NCAM2: variants seen among roughly 807,000 people sequenced by gnomAD.
NCAM2 encodes the protein neural cell adhesion molecule 2.
NCAM2 carries 30 observed loss-of-function variants against 98.1 expected under a neutral mutation model. The ratio of observed to expected loss-of-function variants is 0.31; its 90% CI spans 0.23 to 0.41. The LOEUF (loss-of-function observed/expected upper bound fraction) is 0.41. Among genes scored for constraint, NCAM2 ranks in the 10% least tolerant of loss-of-function variants. The pLI, the probability that NCAM2 is intolerant of heterozygous loss-of-function variation, is 1.00. For missense variants in NCAM2, 867 were observed against 1,005.8 expected (o/e 0.86, Z 1.87); for synonymous variants, 368 against 342.4 (o/e 1.07, Z -0.83).
chr21:21,392,764 T>C (rs1321751614), intron 9 of NCAM2, among the ~76,000 whole-genome samples: 2 of 152,252 alleles, frequency 1.3e-5, no homozygotes, highest in African/African-American at 4.8e-5. Context: ...GAGAAGTGTC[T>C]GTTCATGTTC....
intron 1 of NCAM2, among the ~76,000 whole-genome samples, chr21:21,082,650 C>T (rs981267323): frequency 2.6e-5 from 4 of 152,160 alleles, no homozygotes; most frequent in African/African-American, 9.7e-5. Flanking sequence ...GTAGAGGGTA[C>T]TTTGGAGGTA....
intron 1 of NCAM2, among the ~76,000 whole-genome samples, chr21:21,017,424 CAAA>C (rs11461275): frequency 4.1e-4 from 24 of 58,778 alleles, no homozygotes; most frequent in African/African-American, 9.2e-4. Flanking sequence ...GACTCTGTCT[CAAA>C]AAAAAAAAAA....
At chr21:21,253,715 A>T (rs1205463742) in intron 1 of NCAM2, among the ~76,000 whole-genome samples, 1 of 152,246 alleles carries the variant, frequency 6.6e-6, no homozygotes, top group Non-Finnish European at 1.5e-5. Context: ...GAACTAGCCT[A>T]AAATTAACCA....
At chr21:21,286,554 A>T in intron 4 of NCAM2, 142 bp downstream of exon 4, 1 of 911,522 alleles carries the variant, frequency 1.1e-6, no homozygotes, top group Non-Finnish European at 1.6e-6. Flanking sequence ...TGTAAGCTCT[A>T]CATTAGGATT....
At chr21:21,202,815 A>G (rs1326743983) in intron 1 of NCAM2, among the ~76,000 whole-genome samples, 3 of 152,240 alleles carry the variant, frequency 2.0e-5, no homozygotes, top group Non-Finnish European at 2.9e-5. Context: ...ACTTGCAGTA[A>G]TGAAAACTCT....
At chr21:21,136,739 AT>A (rs2067062844) in intron 1 of NCAM2, among the ~76,000 whole-genome samples, 1 of 151,604 alleles carries the variant, frequency 6.6e-6, no homozygotes, top group Non-Finnish European at 1.5e-5. Context: ...AAGTGCTAGG[AT>A]TACAAGCATG....
Position 21,375,228 on chromosome 21 carries a change from A to C in NCAM2, c.1195+1215A>C, listed in dbSNP as rs886709379. On this transcript the variant is annotated intron_variant, in intron 9 of 17. Transcript: ENST00000400546. The stretch of plus-strand genomic sequence containing the variant: ...AGAAAACAAAAACAAAAACAAAAAA[A>C]AAAACACCCACTGATATATTTGTTA... Among the ~76,000 whole-genome samples, 10 of 151,648 alleles carry C rather than the reference A, an allele frequency of 6.6e-5. No homozygotes were observed. The East Asian group carries it at 1.9e-3, about 29-fold the overall frequency.
chr21:21,117,519 T>A (rs1297099811), intron 1 of NCAM2, among the ~76,000 whole-genome samples: 1 of 152,178 alleles, frequency 6.6e-6, no homozygotes, highest in East Asian at 1.9e-4. Context: ...TGTGAATATA[T>A]TTATGTTTCA....
intron 8 of NCAM2, among the ~76,000 whole-genome samples, chr21:21,351,980 C>T (rs1390993884): frequency 6.6e-6 from 1 of 152,178 alleles, no homozygotes; most frequent in African/African-American, 2.4e-5. Flanking sequence ...GAATACCTGA[C>T]TTCAGGTGAT....
chr21:21,466,470 A>C, intron 12 of NCAM2, 136 bp from the exon 13 acceptor site: 1 of 607,740 alleles, frequency 1.6e-6, no homozygotes, highest in Non-Finnish European at 2.5e-6. Flanking sequence ...TTTTTTAGGT[A>C]TTTCATGGAA....
intron 6 of NCAM2, among the ~76,000 whole-genome samples, chr21:21,327,239 C>G (rs1160147346): frequency 2.2e-5 from 3 of 135,418 alleles, no homozygotes; most frequent in African/African-American, 8.5e-5. Context: ...ACCCGGGAGA[C>G]GGAGGTTGCA....
intron 1 of NCAM2, among the ~76,000 whole-genome samples, chr21:21,053,477 T>C (rs2065152190): frequency 6.6e-6 from 1 of 151,982 alleles, no homozygotes; most frequent in African/African-American, 2.4e-5. Context: ...CTTTTTTGTG[T>C]GTTGTCTTTG....
At chr21:21,291,472 T>C (rs1451143061) in intron 4 of NCAM2, among the ~76,000 whole-genome samples, 1 of 151,476 alleles carries the variant, frequency 6.6e-6, no homozygotes, top group African/African-American at 2.4e-5. Context: ...TTTTTATATA[T>C]GCATGTGCAC....
intron 14 of NCAM2, 24 bp downstream of exon 14, chr21:21,468,807 A>G (rs1414498732): frequency 3.1e-6 from 5 of 1,590,936 alleles, no homozygotes; most frequent in African/African-American, 2.7e-5. Context: ...TTATTGTCAT[A>G]TCATGCTAGG....
At chr21:21,099,072 T>C (rs1377417575) in intron 1 of NCAM2, among the ~76,000 whole-genome samples, 3 of 151,898 alleles carry the variant, frequency 2.0e-5, no homozygotes, top group African/African-American at 7.2e-5. Context: ...AATGAGCTAG[T>C]GTCCTTCAAA....
chr21:21,396,842 G>T (rs992212541), intron 9 of NCAM2, among the ~76,000 whole-genome samples: 1 of 152,182 alleles, frequency 6.6e-6, no homozygotes. Flanking sequence ...CTGGCATGGG[G>T]AGCCCCAAGG....
intron 1 of NCAM2, among the ~76,000 whole-genome samples, chr21:21,047,549 A>G (rs1350682096): frequency 6.6e-6 from 1 of 152,220 alleles, no homozygotes; most frequent in Non-Finnish European, 1.5e-5. Context: ...TAGTAATAGA[A>G]TTGAATATGG....
chr21:21,231,606 A>G (rs951507723), intron 1 of NCAM2, among the ~76,000 whole-genome samples: 2 of 151,448 alleles, frequency 1.3e-5, no homozygotes, highest in South Asian at 2.1e-4. Flanking sequence ...GGCAAAATAT[A>G]GGAGAGTTTA....
chr21:21,357,056 AGAGG>A (rs1469604857), intron 8 of NCAM2, among the ~76,000 whole-genome samples: 2 of 152,052 alleles, frequency 1.3e-5, no homozygotes, highest in Non-Finnish European at 2.9e-5. Context: ...ATGCAATTTA[AGAGG>A]GGAGATGAAA....
Sources: allele counts gnomAD v4.1 joint callset (sites outside exome capture counted in the v4.1 genomes callset), GRCh38; gene constraint gnomAD v4.1.1; transcripts MANE v1.5; gene names NCBI Gene and HGNC (gene_info 2026-07-23, HGNC 2026-07-21).